Variants in CHGA observed in about 807,000 individuals in gnomAD.
The protein encoded by CHGA is chromogranin A.
In CHGA, 41 loss-of-function variants were observed where a neutral mutation model predicts 54.4. The observed-to-expected ratio is 0.75, with a 90% CI of 0.59 to 0.98. CHGA has a LOEUF of 0.98. Ranked by LOEUF, CHGA falls within the 50% of genes least tolerant of loss-of-function variation. The pLI, the probability that CHGA is intolerant of heterozygous loss-of-function variation, is 0.00. For synonymous variants in CHGA, 249 were observed against 232.8 expected, an observed-to-expected ratio of 1.07 and a Z score of -0.63; for missense variants, 576 against 582.3, an observed-to-expected ratio of 0.99 and a Z score of 0.11.
rs968579337 is a variant in CHGA at position 92,933,022 on chromosome 14, C to T, written c.1290+171C>T. ...CTCAGGGTGGGAGAACACCCCAGCT[C>T]ACAGGGGGCACCCAGCAAAGCTGGC... is the stretch of plus-strand genomic sequence containing the variant. On this transcript the variant is annotated intron_variant, in intron 7 of 7. Transcript: ENST00000216492. The T allele has an allele frequency of 1.4e-5, 14 of 981,442 alleles. No homozygotes were observed. The African/African-American group carries it at 2.0e-4, about 14-fold the overall frequency. The allele number at this position is 981,442 out of a possible 1,614,324, so 60.8% of individuals were successfully genotyped here.
chr14:92,923,577 C>G (rs1054256784), intron 1 of CHGA, among the ~76,000 whole-genome samples, 172 bp downstream of exon 1: 2 of 152,196 alleles, frequency 1.3e-5, no homozygotes, highest in Non-Finnish European at 2.9e-5. Context: ...GTGTGGCCTC[C>G]GCCTGGGACC....
At chr14:92,931,853 G>GA in intron 6 of CHGA, 151 bp downstream of exon 6, 1 of 833,418 alleles carries the variant, frequency 1.2e-6, no homozygotes, top group Non-Finnish European at 1.9e-6. Context: ...GAGGCTCAGA[G>GA]AGGTTAAGTA....
chr14:92,931,805 A>G (rs1335725943), intron 6 of CHGA, 103 bp downstream of exon 6: 7 of 1,192,344 alleles, frequency 5.9e-6, no homozygotes, highest in Non-Finnish European at 8.3e-6. Context: ...AACAACCCTG[A>G]AAGGTAGGTA....
chr14:92,932,662 C>T lies in CHGA; in HGVS notation c.1101C>T (p.Asn367=). Residue 367 remains asparagine (N), a synonymous_variant, in exon 7 of 8, where the codon AAC becomes AAT. Transcript: ENST00000216492. This position sits in a 1 kb window ranked among gnomAD's most constrained non-coding sequence, Gnocchi z 5.3. The part of the protein sequence containing the change: ...RLEGQEEEED[N]RDSSMKLSFR... Reference sequence around the variant, plus strand: ...AGGGGCAGGAGGAGGAGGAGGACAACCGGGACAGTTCCATGAAGCTCTCCT... The same window carrying T: ...AGGGGCAGGAGGAGGAGGAGGACAATCGGGACAGTTCCATGAAGCTCTCCT... The T allele has an allele frequency of 6.2e-7, 1 of 1,604,652 alleles. No homozygotes were observed. The highest frequency in any genetic ancestry group is 8.5e-7 in the Non-Finnish European group (1 of 1,177,608).
In CHGA at chr14:92,932,427, A is replaced by G. The variant is rs1292340409; in HGVS notation, c.866A>G (p.Gln289Arg). ...GGGAAGCCTGGGGCTGAGGAGGCTC[A>G]GGACCCCGAAGGGAAGGGAGAACAG... ...GAGKPGAEEA[Q>R]DPEGKGEQEH... The change falls in exon 7 of 8, where the codon CAG becomes CGG. Residue 289 changes from glutamine (Q) to arginine (R), a missense_variant. Transcript: ENST00000216492. This position sits in a 1 kb window ranked among gnomAD's most constrained non-coding sequence, Gnocchi z 5.3. 1.9e-6 allele frequency: 3 copies of G among 1,569,624 alleles called. No individual in the cohort carries two copies. The highest frequency in any genetic ancestry group is 2.6e-6 in the Non-Finnish European group (3 of 1,157,296).
intron 2 of CHGA, 52 bp from the exon 3 acceptor site, chr14:92,926,553 C>A: frequency 6.8e-7 from 1 of 1,477,694 alleles, no homozygotes; most frequent in Non-Finnish European, 9.5e-7. Flanking sequence ...CCTCCAGGGA[C>A]TGAGCCCCAT....
intron 7 of CHGA, chr14:92,933,366 C>A (rs984246082): frequency 6.5e-6 from 1 of 153,646 alleles, no homozygotes; most frequent in African/African-American, 2.4e-5. Flanking sequence ...GAGGGTCACT[C>A]CCCTCCCCGA....
intron 5 of CHGA, among the ~76,000 whole-genome samples, chr14:92,930,121 T>C (rs1886966012): frequency 6.6e-6 from 1 of 152,200 alleles, no homozygotes; most frequent in Admixed American, 6.5e-5. Flanking sequence ...CAGCTTCAAC[T>C]CTGGGTCTAC....
chr14:92,925,387 A>G (rs1382397662), intron 2 of CHGA, among the ~76,000 whole-genome samples: 1 of 152,184 alleles, frequency 6.6e-6, no homozygotes, highest in East Asian at 1.9e-4. Flanking sequence ...TACAGGGTAC[A>G]GGCTGCTGTG....
In CHGA at chr14:92,924,203, T is replaced by C. The variant is rs1418544626; in HGVS notation, c.51T>C (p.Thr17=). ...GCACTCTCTTCTTCTTCCCAGTCAC[T>C]GCGCTCCCTGTGAACAGCCCTATGA... ...LALLLCAGQV[T]ALPVNSPMNK... Residue 17 remains threonine, a synonymous_variant, in exon 2 of 8, where the codon ACT becomes ACC. Coordinates refer to ENST00000216492, the MANE Select transcript of CHGA (RefSeq NM_001275.4). The C allele has an allele frequency of 1.2e-6, 2 of 1,612,230 alleles. No individual in the cohort carries two copies. The highest frequency in any genetic ancestry group is 1.7e-6 in the Non-Finnish European group (2 of 1,179,554).
At position 92,932,843 on chromosome 14, in the gene CHGA, A is replaced by C. The variant is rs1459811579; in HGVS notation, c.1282A>C (p.Arg428=). 3 of 1,493,136 alleles carry C rather than the reference A, an allele frequency of 2.0e-6. No individual in the cohort carries two copies. The highest frequency in any genetic ancestry group is 2.7e-6 in the Non-Finnish European group (3 of 1,119,010). 92.5% of individuals were successfully genotyped at this position (1,493,136 alleles called of 1,614,324 possible). A position where few individuals can be genotyped will look rare whatever the true frequency, so the allele number is the denominator to read the frequency against. Residue 428 remains arginine (R), a synonymous_variant, in exon 7 of 8, where the codon AGA becomes CGA. Coordinates refer to ENST00000216492, the MANE Select transcript of CHGA (RefSeq NM_001275.4). The surrounding 1 kb of genome is among the most constrained non-coding windows in gnomAD (Gnocchi z 5.3). ...AGAGGAGGAGGGCAGCGCAAACCGC[A>C]GACCAGAGGTTGGTATGGGGCGGGA... ...KKEEEGSANR[R]PEDQELESLS... is the part of the protein sequence containing the mutation.
chr14:92,932,442 A>C lies in CHGA; in HGVS notation c.881A>C (p.Lys294Thr), dbSNP rs912890820. ...GAGGAGGCTCAGGACCCCGAAGGGA[A>C]GGGAGAACAGGAGCACTCCCAGCAG... Reference protein sequence around the residue: ...GAEEAQDPEGKGEQEHSQQKE... With the variant: ...GAEEAQDPEGTGEQEHSQQKE... The change falls in exon 7 of 8, where the codon AAG becomes ACG. Residue 294 changes from lysine (K) to threonine (T), a missense_variant. Coordinates refer to ENST00000216492, the MANE Select transcript of CHGA (RefSeq NM_001275.4). This position sits in a 1 kb window ranked among gnomAD's most constrained non-coding sequence, Gnocchi z 5.3. The C allele has an allele frequency of 6.4e-7, 1 of 1,563,766 alleles. No individual in the cohort carries two copies. The highest frequency in any genetic ancestry group is 1.4e-5 in the African/African-American group (1 of 74,026).
chr14:92,926,759 G>A, intron 3 of CHGA, 61 bp downstream of exon 3: 2 of 1,380,422 alleles, frequency 1.4e-6, no homozygotes, highest in Non-Finnish European at 2.1e-6. Flanking sequence ...CTAGGACATG[G>A]GTGTGTGGCT....
At chr14:92,928,385 C>T (rs910692664) in intron 4 of CHGA, among the ~76,000 whole-genome samples, 8 of 152,160 alleles carry the variant, frequency 5.3e-5, no homozygotes, top group African/African-American at 1.4e-4. Flanking sequence ...AACACAGCCA[C>T]GTCAGTAGGA....
Position 92,932,308 on chromosome 14 carries a change from A to G in CHGA, c.809-62A>G, listed in dbSNP as rs953024292. 12 of 1,500,252 alleles carry G rather than the reference A, an allele frequency of 8.0e-6. No individual in the cohort carries two copies. The highest frequency in any genetic ancestry group is 1.4e-5 in the African/African-American group (1 of 72,408). The allele number at this position is 1,500,252 out of a possible 1,614,324, so 92.9% of individuals were successfully genotyped here. ...GCAGCAGAGGCCCCCAGGGAGTGGCAGAGACTGGGAAAATGGTGGTCCCCC... is the reference window on the plus strand; with the variant it reads ...GCAGCAGAGGCCCCCAGGGAGTGGCGGAGACTGGGAAAATGGTGGTCCCCC... On this transcript the variant is annotated intron_variant, in intron 6 of 7. Transcript: ENST00000216492. This position sits in a 1 kb window ranked among gnomAD's most constrained non-coding sequence, Gnocchi z 5.3.
chr14:92,925,483 GC>G (rs1340578225), intron 2 of CHGA, among the ~76,000 whole-genome samples: 5 of 119,380 alleles, frequency 4.2e-5, no homozygotes, highest in Admixed American at 3.0e-4. Flanking sequence ...AGAGCAGCTG[GC>G]TAAGACCTGA....
chr14:92,930,179 G>A (rs947870971), intron 5 of CHGA, among the ~76,000 whole-genome samples: 7 of 152,238 alleles, frequency 4.6e-5, no homozygotes, highest in African/African-American at 1.7e-4. Context: ...CTGTCCTCCT[G>A]GGAAGTGGTG....
chr14:92,933,169 C>T (rs942689375), intron 7 of CHGA: 4 of 242,732 alleles, frequency 1.6e-5, no homozygotes, highest in African/African-American at 4.5e-5. Flanking sequence ...CGTGTCCCCT[C>T]CTGGCCCCCA....
In CHGA at chr14:92,932,613, A is replaced by C; in HGVS notation, c.1052A>C (p.Glu351Ala). The C allele has an allele frequency of 6.3e-7, 1 of 1,584,560 alleles. No homozygotes were observed. The highest frequency in any genetic ancestry group is 2.3e-5 in the East Asian group (1 of 43,942). ...RWSKMDQLAK[E>A]LTAEKRLEGQ... is the part of the protein sequence containing the mutation. ...AGCAAGATGGACCAGCTGGCCAAGG[A>C]GCTGACGGCTGAGAAGCGGCTGGAG... Residue 351 changes from glutamate (E) to alanine (A), a missense_variant, in exon 7 of 8, where the codon GAG becomes GCG. By Grantham distance (107) the Glu-to-Ala change is moderately radical (BLOSUM62 -1). Transcript: ENST00000216492. The surrounding 1 kb of genome is among the most constrained non-coding windows in gnomAD (Gnocchi z 5.3).
Sources: gnomAD v4.1 joint callset for allele counts (sites outside exome capture counted in the v4.1 genomes callset) on GRCh38, gnomAD v4.1.1 for gene constraint, Gnocchi (gnomAD v3.1) non-coding constraint, MANE v1.5 for transcripts, NCBI Gene and HGNC (gene_info 2026-07-23, HGNC 2026-07-21) for gene names.